The following CAPN8 variants were observed in gnomAD, a reference collection of about 807,000 sequenced individuals.
CAPN8 encodes calpain-8.
A neutral mutation model predicts 80.9 loss-of-function variants in CAPN8; 87 were observed. The ratio of observed to expected loss-of-function variants is 1.07; its 90% CI spans 0.90 to 1.28. The LOEUF is 1.28. CAPN8 is among the 50% of genes most tolerant of loss of function. The pLI is 0.00. For synonymous variants in CAPN8, 299 were observed against 273.8 expected (o/e 1.09, Z -0.91); for missense variants, 757 against 702.0 (o/e 1.08, Z -0.89).
At chr1:223,659,795 G>A (rs1400133095) in intron 1 of CAPN8, among the ~76,000 whole-genome samples, 11 of 152,104 alleles carry the variant, frequency 7.2e-5, no homozygotes, top group Non-Finnish European at 2.9e-5. Context: ...TCCATTTTAT[G>A]GAAGAGGAAA....
intron 2 of CAPN8, among the ~76,000 whole-genome samples, chr1:223,642,290 G>A (rs1658063937): frequency 1.4e-5 from 2 of 145,496 alleles, no homozygotes; most frequent in Admixed American, 1.4e-4. Context: ...AAGCACTGGT[G>A]TTTTTCTGAA....
intron 11 of CAPN8, among the ~76,000 whole-genome samples, chr1:223,609,942 C>T (rs1656990623): frequency 6.6e-6 from 1 of 152,186 alleles, no homozygotes; most frequent in African/African-American, 2.4e-5. Flanking sequence ...TGGGGTCCCC[C>T]CAGCCTCCCC....
intron 2 of CAPN8, among the ~76,000 whole-genome samples, chr1:223,644,846 A>G (rs2102728266): frequency 6.6e-6 from 1 of 152,318 alleles, no homozygotes; most frequent in East Asian, 1.9e-4. Flanking sequence ...TGTAGGCATC[A>G]GAGTTGTGGC....
intron 9 of CAPN8, among the ~76,000 whole-genome samples, 186 bp from the exon 10 acceptor site, chr1:223,616,331 A>G (rs2102701540): frequency 6.6e-6 from 1 of 152,370 alleles, no homozygotes; most frequent in Middle Eastern, 3.4e-3. Flanking sequence ...ACCTTCCTAC[A>G]CATCCACACA....
intron 2 of CAPN8, 150 bp from the exon 3 acceptor site, chr1:223,628,930 C>T (rs1657687707): frequency 1.6e-6 from 1 of 617,624 alleles, no homozygotes; most frequent in Non-Finnish European, 2.8e-6. Flanking sequence ...TGGAAATGCA[C>T]CCGCAGCCAT....
chr1:223,637,521 G>A (rs1368460121), intron 2 of CAPN8, among the ~76,000 whole-genome samples: 1 of 152,134 alleles, frequency 6.6e-6, no homozygotes, highest in Non-Finnish European at 1.5e-5. Context: ...AGTCAGCCAG[G>A]TTCCTACTCC....
chr1:223,545,016 G>A (rs534508981), intron 17 of CAPN8, 166 bp from the exon 18 acceptor site: 2 of 1,427,354 alleles, frequency 1.4e-6, no homozygotes, highest in East Asian at 2.5e-5. Context: ...AGCTTGGCCA[G>A]TGCTGGCCCC....
intron 19 of CAPN8, 47 bp downstream of exon 19, chr1:223,544,020 T>C: frequency 1.4e-6 from 1 of 714,458 alleles, no homozygotes; most frequent in Non-Finnish European, 2.6e-6. Context: ...TGCCCCACCT[T>C]GCACCTTGGG....
chr1:223,633,839 T>C (rs900325781), intron 2 of CAPN8, among the ~76,000 whole-genome samples: 1 of 152,140 alleles, frequency 6.6e-6, no homozygotes, highest in African/African-American at 2.4e-5. Context: ...TATAGCTTAA[T>C]GGAATTTCTC....
chr1:223,663,941 A>T (rs1260554909), intron 1 of CAPN8, among the ~76,000 whole-genome samples: 1 of 152,152 alleles, frequency 6.6e-6, no homozygotes, highest in Non-Finnish European at 1.5e-5. Context: ...CCCTGACTTA[A>T]TTTCCCTATC....
At chr1:223,658,460 G>A (rs115861682) in intron 1 of CAPN8, among the ~76,000 whole-genome samples, 2,716 of 152,188 alleles carry the variant, frequency 0.018, 38 homozygotes, top group Middle Eastern at 0.031. Flanking sequence ...ACACACCAAG[G>A]AATGTCATGA....
At chr1:223,625,718 T>C in intron 6 of CAPN8, 87 bp downstream of exon 6, 1 of 1,207,120 alleles carries the variant, frequency 8.3e-7, no homozygotes, top group Non-Finnish European at 1.2e-6. Context: ...CTTCTAGTAG[T>C]AATCACCTCT....
chr1:223,548,073 C>G (rs1225728904), intron 16 of CAPN8, among the ~76,000 whole-genome samples: 1 of 152,168 alleles, frequency 6.6e-6, no homozygotes, highest in Non-Finnish European at 1.5e-5. Context: ...CTCTGTCATC[C>G]AGGACCACTC....
intron 9 of CAPN8, chr1:223,616,956 C>T (rs1049176309): frequency 3.3e-5 from 5 of 152,140 alleles, no homozygotes; most frequent in Admixed American, 6.5e-5. Context: ...AGTACACAAG[C>T]CAAGGCACGG....
In CAPN8 at chr1:223,613,943, A is replaced by G. The variant is rs1572230426; in HGVS notation, c.1312-1686T>C. Among the ~76,000 whole-genome samples the G allele has an allele frequency of 2.6e-5, 4 of 152,256 alleles. No individual in the cohort carries two copies. In the South Asian group the frequency reaches 8.3e-4, roughly 31 times the overall value. Reference sequence around the variant, plus strand: ...CTAAATTATATGCCTGTGGCCAGATATAGAAGGACCACAGATCACACACAC... The same window carrying G: ...CTAAATTATATGCCTGTGGCCAGATGTAGAAGGACCACAGATCACACACAC... On this transcript the variant is annotated intron_variant, in intron 10 of 20. Transcript: ENST00000366872.
At chr1:223,550,675 T>C (rs1272514622) in intron 15 of CAPN8, among the ~76,000 whole-genome samples, 2 of 152,200 alleles carry the variant, frequency 1.3e-5, no homozygotes, top group Non-Finnish European at 2.9e-5. Context: ...CTTTTTCTCC[T>C]GGGACTCAGC....
chr1:223,541,677 T>C lies in CAPN8; in HGVS notation c.*159A>G. On this transcript the variant is annotated 3_prime_UTR_variant, in exon 21 of 21. Coordinates refer to ENST00000366872, the MANE Select transcript of CAPN8 (RefSeq NM_001143962.2). ...ACTGGGCCCACCGGGTCGGCTTACA[T>C]AGCTCATAGCTCAGTGCTGCTGAAA... The C allele has an allele frequency of 4.3e-6, 5 of 1,172,790 alleles. No individual in the cohort carries two copies. The highest frequency in any genetic ancestry group is 6.1e-6 in the Non-Finnish European group (5 of 813,268). 72.6% of individuals were successfully genotyped at this position (1,172,790 alleles called of 1,614,324 possible).
intron 2 of CAPN8, among the ~76,000 whole-genome samples, chr1:223,648,083 C>T (rs1204884911): frequency 2.0e-5 from 3 of 152,192 alleles, no homozygotes; most frequent in African/African-American, 7.2e-5. Context: ...TAATCCACGG[C>T]CTCAAACTCT....
chr1:223,665,604 T>A lies in CAPN8; in HGVS notation c.43A>T (p.Thr15Ser). ...AAGVSRQRAA[T>S]QGLGSNQNAL... ...TTTTGGTTGGAGCCAAGACCTTGAG[T>A]GGCTGCCCGCTGCCTAGATACACCA... Residue 15 changes from threonine to serine, a missense_variant, in exon 1 of 21, where the codon ACT (threonine) becomes TCT (serine). By Grantham distance (58) the Thr-to-Ser change is moderately conservative (BLOSUM62 1). Coordinates refer to ENST00000366872, the MANE Select transcript of CAPN8 (RefSeq NM_001143962.2). The A allele has an allele frequency of 1.3e-6, 2 of 1,551,652 alleles. No homozygotes were observed. Among genetic ancestry groups the A allele is most frequent in the Non-Finnish European group, 1.7e-6 (2 of 1,146,984 alleles).
Sources: gnomAD v4.1 joint callset for allele counts (sites outside exome capture counted in the v4.1 genomes callset) on GRCh38, gnomAD v4.1.1 for gene constraint, MANE v1.5 for transcripts, NCBI Gene and HGNC (gene_info 2026-07-23, HGNC 2026-07-21) for gene names.